The following WRAP53 variants were observed in gnomAD, a reference collection of about 807,000 sequenced individuals.
WRAP53 encodes telomerase Cajal body protein 1.
In WRAP53, 28 loss-of-function variants were observed where a neutral mutation model predicts 56.6. The observed-to-expected ratio is 0.50, with a 90% confidence interval of 0.37 to 0.68. The LOEUF is 0.68. Ranked by LOEUF, WRAP53 falls within the 30% of genes least tolerant of loss-of-function variation. The pLI is 0.00. For missense variants in WRAP53, 671 were observed against 715.5 expected, an observed-to-expected ratio of 0.94 and a Z score of 0.71; for synonymous variants, 283 against 283.4, an observed-to-expected ratio of 1.00 and a Z score of 0.01.
Position 7,702,937 on chromosome 17 carries a change from G to A in WRAP53, c.1269-56G>A, listed in dbSNP as rs2074294947. ...TAGGGTCCCAGTCCCTGGGTGTGAG[G>A]GGTTCCTGCCCCAGGGGTGAGGCCT... On this transcript the variant is annotated intron_variant, in intron 9 of 10. Coordinates refer to ENST00000396463, the MANE Select transcript of WRAP53 (RefSeq NM_001143992.2). The surrounding 1 kb of genome is among the most constrained non-coding windows in gnomAD (Gnocchi z 5.0). 1 of 1,612,850 alleles carries A rather than the reference G, an allele frequency of 6.2e-7. No individual in the cohort carries two copies.
Position 7,701,897 on chromosome 17 carries a change from T to C in WRAP53, c.955+108T>C. 1 of 1,518,382 alleles carries C rather than the reference T, an allele frequency of 6.6e-7. No individual in the cohort carries two copies. Among genetic ancestry groups the C allele is most frequent in the Non-Finnish European group, 8.9e-7 (1 of 1,126,740 alleles). The allele number at this position is 1,518,382 out of a possible 1,614,324, so 94.1% of individuals were successfully genotyped here. On this transcript the variant is annotated intron_variant, in intron 7 of 10. Coordinates refer to ENST00000396463, the MANE Select transcript of WRAP53 (RefSeq NM_001143992.2). The surrounding 1 kb of genome is among the most constrained non-coding windows in gnomAD (Gnocchi z 4.2). ...CTGTGGGGGTTCACGCCGTCCTCTG[T>C]ACGGCCCCGGGAGCAGGTGCAGCCC...
In WRAP53 at chr17:7,691,788, G is replaced by C. The variant is rs1012616167; in HGVS notation, c.642+2087G>C. 2.0e-5 allele frequency among the ~76,000 whole-genome samples: 3 copies of C among 151,812 alleles called. No individual in the cohort carries two copies. In the East Asian group the frequency reaches 5.9e-4, roughly 30 times the overall value. On this transcript the variant is annotated intron_variant, in intron 4 of 10. Coordinates refer to ENST00000396463, the MANE Select transcript of WRAP53 (RefSeq NM_001143992.2). The stretch of plus-strand genomic sequence containing the variant: ...GATCCACCTGCCTCAGCCTTCCAAA[G>C]TGCTAGGATTACAGGCGTGAGCCAC...
intron 4 of WRAP53, 104 bp downstream of exon 4, chr17:7,689,805 T>G: frequency 2.1e-6 from 2 of 959,434 alleles, no homozygotes; most frequent in Non-Finnish European, 3.2e-6. Flanking sequence ...CAAACGGGAC[T>G]GTTTTTCAAG....
chr17:7,702,721 A>G lies in WRAP53; in HGVS notation c.1165-22A>G. ...CATCCAGGGCTTTGGGGGTGACTCC[A>G]GGTCCTGTTCCTTGTCTCCAGGATG... is the stretch of plus-strand genomic sequence containing the variant. On this transcript the variant is annotated intron_variant, in intron 8 of 10. Transcript: ENST00000396463. The surrounding 1 kb of genome is among the most constrained non-coding windows in gnomAD (Gnocchi z 5.0). 1.2e-6 allele frequency: 2 copies of G among 1,611,940 alleles called. No individual in the cohort carries two copies. Among genetic ancestry groups the G allele is most frequent in the East Asian group, 2.2e-5 (1 of 44,872 alleles).
rs1265020407 is a variant in WRAP53 at position 7,699,480 on chromosome 17, A to ATTTT, written c.643-1260_643-1259insTTTT. Among the ~76,000 whole-genome samples the ATTTT allele has an allele frequency of 5.4e-3, 61 of 11,302 alleles. 3 individuals are homozygous for ATTTT. The highest frequency in any genetic ancestry group is 0.013 in the East Asian group (4 of 300). The allele number at this position is 11,302 out of a possible 152,430, so 7.4% of individuals were successfully genotyped here. A position where few individuals can be genotyped will look rare whatever the true frequency, so the allele number is the denominator to read the frequency against. ...TATTTATATATATATATATATTTATATATATATATATATATATATATTTAT... is the reference window on the plus strand; with the variant it reads ...TATTTATATATATATATATATTTATATTTTTATATATATATATATATATATTTAT... On this transcript the variant is annotated intron_variant, in intron 4 of 10. Transcript: ENST00000396463.
chr17:7,698,615 T>C (rs1349529277), intron 4 of WRAP53, among the ~76,000 whole-genome samples: 1 of 152,096 alleles, frequency 6.6e-6, no homozygotes, highest in African/African-American at 2.4e-5. Context: ...TGGTGTCTCA[T>C]GCCTGTAATC....
Position 7,702,648 on chromosome 17 carries a change from A to T in WRAP53, c.1165-95A>T. The T allele has an allele frequency of 6.3e-7, 1 of 1,597,880 alleles. No individual in the cohort carries two copies. Among genetic ancestry groups the T allele is most frequent in the Non-Finnish European group, 8.5e-7 (1 of 1,175,236 alleles). On this transcript the variant is annotated intron_variant, in intron 8 of 10. Coordinates refer to ENST00000396463, the MANE Select transcript of WRAP53 (RefSeq NM_001143992.2). The surrounding 1 kb of genome is among the most constrained non-coding windows in gnomAD (Gnocchi z 5.0). Reference sequence around the variant, plus strand: ...TAGGGGAATGGGTGGGGATGGGGAAAAAATCCCAAGCTGAAGGAGTGCCTG... The same window carrying T: ...TAGGGGAATGGGTGGGGATGGGGAATAAATCCCAAGCTGAAGGAGTGCCTG...
chr17:7,694,806 C>T (rs975236704), intron 4 of WRAP53, among the ~76,000 whole-genome samples: 1 of 150,224 alleles, frequency 6.7e-6, no homozygotes, highest in African/African-American at 2.5e-5. Flanking sequence ...CTAGCCTGGG[C>T]GACAGAGTGA....
In WRAP53 at chr17:7,703,064, A is replaced by G. The variant is rs1456007643; in HGVS notation, c.1340A>G (p.Asn447Ser). The change falls in exon 10 of 11, where the codon AAT becomes AGT. Residue 447 changes from asparagine to serine, a missense_variant. Around this residue, in one of 3 missense-constraint regions of WRAP53, gnomAD observed 158 missense variants for 215.7 expected, o/e 0.73. Coordinates refer to ENST00000396463, the MANE Select transcript of WRAP53 (RefSeq NM_001143992.2). Reference protein sequence around the residue: ...VSVWDTDGPGNDGKPEPVLSF... With the variant: ...VSVWDTDGPGSDGKPEPVLSF... ...GTGTGGGACACGGACGGGCCTGGCAATGATGGGAAGCCGGAGCCCGTGTTG... is the reference window on the plus strand; with the variant it reads ...GTGTGGGACACGGACGGGCCTGGCAGTGATGGGAAGCCGGAGCCCGTGTTG... The G allele has an allele frequency of 6.2e-7, 1 of 1,614,110 alleles. No homozygotes were observed. The highest frequency in any genetic ancestry group is 1.7e-5 in the Admixed American group (1 of 60,020).
At chr17:7,692,991 TCGG>T (rs1439921207) in intron 4 of WRAP53, among the ~76,000 whole-genome samples, 2 of 151,602 alleles carry the variant, frequency 1.3e-5, no homozygotes, top group African/African-American at 4.9e-5. Context: ...TCCTCCTGCC[TCGG>T]CCTCCCAAAG....
chr17:7,694,559 A>T (rs1306939555), intron 4 of WRAP53, among the ~76,000 whole-genome samples: 1 of 152,074 alleles, frequency 6.6e-6, no homozygotes, highest in East Asian at 1.9e-4. Flanking sequence ...TTTGTTTTCA[A>T]AAGATTTTTG....
At chr17:7,693,883 G>C (rs1184482207) in intron 4 of WRAP53, among the ~76,000 whole-genome samples, 1 of 152,200 alleles carries the variant, frequency 6.6e-6, no homozygotes, top group Admixed American at 6.5e-5. Flanking sequence ...TATCCTGAGA[G>C]TGTCTTCAAG....
chr17:7,694,251 T>C (rs997855839), intron 4 of WRAP53, among the ~76,000 whole-genome samples: 86 of 147,334 alleles, frequency 5.8e-4, no homozygotes, highest in African/African-American at 2.1e-3. Context: ...TCTTTTTTTT[T>C]TTTTTTTTTT....
At position 7,702,029 on chromosome 17, in the gene WRAP53, G is replaced by C. The variant is rs1452522681; in HGVS notation, c.955+240G>C. The C allele has an allele frequency of 2.7e-6, 2 of 752,102 alleles. No homozygotes were observed. Among genetic ancestry groups the C allele is most frequent in the Admixed American group, 4.0e-5 (2 of 49,416 alleles). 46.6% of individuals were successfully genotyped at this position (752,102 alleles called of 1,614,324 possible). Reference sequence around the variant, plus strand: ...CCTGAACTCATACCCTGTCAGCTGTGGAGCTTTTGGTCTCTGAAATCTTTC... The same window carrying C: ...CCTGAACTCATACCCTGTCAGCTGTCGAGCTTTTGGTCTCTGAAATCTTTC... On this transcript the variant is annotated intron_variant, in intron 7 of 10. Coordinates refer to ENST00000396463, the MANE Select transcript of WRAP53 (RefSeq NM_001143992.2). This position sits in a 1 kb window ranked among gnomAD's most constrained non-coding sequence, Gnocchi z 5.0.
chr17:7,698,437 AC>A lies in WRAP53; in HGVS notation c.643-2303del, dbSNP rs552923637. Among the ~76,000 whole-genome samples, 232 of 152,302 alleles carry A rather than the reference AC, an allele frequency of 1.5e-3. 1 individual carries two copies. Among genetic ancestry groups the A allele is most frequent in the Non-Finnish European group, 1.9e-3 (132 of 68,028 alleles). ...GGGATGTATATGATATAATACCATTACTGTTAAGTCTAGGCCGGGCATGGTG... is the reference window on the plus strand; with the variant it reads ...GGGATGTATATGATATAATACCATTATGTTAAGTCTAGGCCGGGCATGGTG... On this transcript the variant is annotated intron_variant, in intron 4 of 10. Coordinates refer to ENST00000396463, the MANE Select transcript of WRAP53 (RefSeq NM_001143992.2).
intron 10 of WRAP53, 57 bp downstream of exon 10, chr17:7,703,184 C>T: frequency 2.5e-6 from 4 of 1,613,362 alleles, no homozygotes; most frequent in Non-Finnish European, 3.4e-6. Flanking sequence ...AGGTGAATCC[C>T]AGAGGGAGCA....
chr17:7,698,188 A>G (rs529653170), intron 4 of WRAP53, among the ~76,000 whole-genome samples: 26 of 152,346 alleles, frequency 1.7e-4, no homozygotes, highest in African/African-American at 5.5e-4. Flanking sequence ...TGCATAGCGT[A>G]GAGACCAGTA....
At position 7,702,094 on chromosome 17, in the gene WRAP53, GC is replaced by G; in HGVS notation, c.956-248del. 1 of 705,144 alleles carries G rather than the reference GC, an allele frequency of 1.4e-6. No individual in the cohort carries two copies. The highest frequency in any genetic ancestry group is 2.5e-6 in the Non-Finnish European group (1 of 397,522). The allele number at this position is 705,144 out of a possible 1,614,324, so 43.7% of individuals were successfully genotyped here. A position where few individuals can be genotyped will look rare whatever the true frequency, so the allele number is the denominator to read the frequency against. ...TAAAGCTGATTCCGTTTTCCTGTAGGCCTTCAACTTGCATCTCTCCAAGGAA... is the reference window on the plus strand; with the variant it reads ...TAAAGCTGATTCCGTTTTCCTGTAGGCTTCAACTTGCATCTCTCCAAGGAA... On this transcript the variant is annotated intron_variant, in intron 7 of 10. Transcript: ENST00000396463. The surrounding 1 kb of genome is among the most constrained non-coding windows in gnomAD (Gnocchi z 5.0).
Position 7,701,167 on chromosome 17 carries a change from T to C in WRAP53, c.732-292T>C, listed in dbSNP as rs1162322679. Among the ~76,000 whole-genome samples the C allele has an allele frequency of 1.3e-5, 2 of 152,182 alleles. No homozygotes were observed. Among genetic ancestry groups the C allele is most frequent in the Non-Finnish European group, 2.9e-5 (2 of 68,036 alleles). On this transcript the variant is annotated intron_variant, in intron 5 of 10. Coordinates refer to ENST00000396463, the MANE Select transcript of WRAP53 (RefSeq NM_001143992.2). The surrounding 1 kb of genome is among the most constrained non-coding windows in gnomAD (Gnocchi z 4.2). Reference sequence around the variant, plus strand: ...GTGTATTTTTCATAGAGATGGGGTTTCACCACGTTGGCCAGGCTGGTCTCG... The same window carrying C: ...GTGTATTTTTCATAGAGATGGGGTTCCACCACGTTGGCCAGGCTGGTCTCG...
Sources: gnomAD v4.1 joint callset for allele counts (sites outside exome capture counted in the v4.1 genomes callset) on GRCh38, gnomAD v4.1.1 for gene constraint, gnomAD v4.1.1 regional missense constraint, Gnocchi (gnomAD v3.1) non-coding constraint, MANE v1.5 for transcripts, NCBI Gene and HGNC (gene_info 2026-07-23, HGNC 2026-07-21) for gene names.